MB21D2: variants seen among roughly 807,000 people sequenced by gnomAD.
MB21D2 encodes the protein nucleotidyltransferase MB21D2.
Under a neutral mutation model 33.3 loss-of-function variants are expected in MB21D2, and 9 were observed. The observed-to-expected ratio is 0.27, with a 90% CI of 0.16 to 0.47. The LOEUF is 0.47. Ranked by LOEUF, MB21D2 falls within the 20% of genes least tolerant of loss-of-function variation. The pLI, the probability that MB21D2 is intolerant of heterozygous loss-of-function variation, is 0.99. For missense variants in MB21D2, 540 were observed against 624.6 expected, an observed-to-expected ratio of 0.86 and a Z score of 1.44; for synonymous variants, 241 against 236.3, an observed-to-expected ratio of 1.02 and a Z score of -0.18.
At chr3:192,917,098 C>G (rs1456215322) in intron 1 of MB21D2, among the ~76,000 whole-genome samples, 1 of 152,246 alleles carries the variant, frequency 6.6e-6, no homozygotes, top group South Asian at 2.1e-4. Flanking sequence ...AGTTTGGCCA[C>G]CGGGGGCTCG....
intron 1 of MB21D2, among the ~76,000 whole-genome samples, chr3:192,811,368 G>T (rs77467913): frequency 2.0e-5 from 3 of 152,138 alleles, no homozygotes; most frequent in East Asian, 1.9e-4. Flanking sequence ...TGTAGTGGGT[G>T]GGGGGTGTAA....
intron 1 of MB21D2, among the ~76,000 whole-genome samples, chr3:192,881,491 A>T (rs941407726): frequency 6.6e-6 from 1 of 152,126 alleles, no homozygotes; most frequent in Non-Finnish European, 1.5e-5. Flanking sequence ...AATTTAACTG[A>T]CACACACACA....
intron 1 of MB21D2, among the ~76,000 whole-genome samples, chr3:192,851,514 A>C (rs573316282): frequency 3.4e-3 from 171 of 49,820 alleles, no homozygotes; most frequent in African/African-American, 0.017. Flanking sequence ...TTTTTTTTGG[A>C]GATGGAGTCT....
chr3:192,826,241 A>C (rs1375410464), intron 1 of MB21D2, among the ~76,000 whole-genome samples: 1 of 152,210 alleles, frequency 6.6e-6, no homozygotes, highest in African/African-American at 2.4e-5. Flanking sequence ...TTTCAGACCA[A>C]ACTATGCCCT....
At chr3:192,885,735 T>C (rs1419966097) in intron 1 of MB21D2, among the ~76,000 whole-genome samples, 1 of 152,058 alleles carries the variant, frequency 6.6e-6, no homozygotes, top group Non-Finnish European at 1.5e-5. Context: ...CACAGCAAGC[T>C]GGGACTCTGC....
intron 1 of MB21D2, among the ~76,000 whole-genome samples, chr3:192,885,329 G>A (rs999253849): frequency 5.9e-5 from 9 of 151,986 alleles, no homozygotes; most frequent in Admixed American, 1.3e-4. Flanking sequence ...CCACTCCCAC[G>A]ACATGCTCTT....
intron 1 of MB21D2, among the ~76,000 whole-genome samples, chr3:192,807,757 C>T (rs1413077583): frequency 6.6e-6 from 1 of 152,154 alleles, no homozygotes; most frequent in Admixed American, 6.5e-5. Flanking sequence ...TGAGCCAGTG[C>T]TGTGCTAGAC....
At chr3:192,888,145 C>T (rs1713774864) in intron 1 of MB21D2, among the ~76,000 whole-genome samples, 1 of 152,088 alleles carries the variant, frequency 6.6e-6, no homozygotes, top group African/African-American at 2.4e-5. Context: ...TTAGTGAGAA[C>T]CTCTAAAATG....
Position 192,798,257 on chromosome 3 carries a change from G to C in MB21D2, c.*129C>G. ...AGCCTGCACCATCCTGCAGAACCAGGAAACTTAAAATTTGTTCTTAACAAA... is the reference window on the plus strand; with the variant it reads ...AGCCTGCACCATCCTGCAGAACCAGCAAACTTAAAATTTGTTCTTAACAAA... On this transcript the variant is annotated 3_prime_UTR_variant, in exon 2 of 2. Coordinates refer to ENST00000392452, the MANE Select transcript of MB21D2 (RefSeq NM_178496.4). This position sits in a 1 kb window ranked among gnomAD's most constrained non-coding sequence, Gnocchi z 4.8. 1 of 1,025,444 alleles carries C rather than the reference G, an allele frequency of 9.8e-7. No individual in the cohort carries two copies. The highest frequency in any genetic ancestry group is 1.4e-6 in the Non-Finnish European group (1 of 710,566). 63.5% of individuals were successfully genotyped at this position (1,025,444 alleles called of 1,614,324 possible). A position where few individuals can be genotyped will look rare whatever the true frequency, so the allele number is the denominator to read the frequency against.
intron 1 of MB21D2, among the ~76,000 whole-genome samples, chr3:192,910,319 A>T (rs1714327072): frequency 6.6e-6 from 1 of 151,430 alleles, no homozygotes; most frequent in Non-Finnish European, 1.5e-5. Flanking sequence ...AAAAAAAAAA[A>T]ATTTAAAAAT....
intron 1 of MB21D2, among the ~76,000 whole-genome samples, chr3:192,856,415 G>T (rs1712917257): frequency 6.6e-6 from 1 of 152,172 alleles, no homozygotes; most frequent in African/African-American, 2.4e-5. Context: ...ATTGCTATAA[G>T]GAGAAATAAG....
At chr3:192,819,215 G>GC (rs1335838451) in intron 1 of MB21D2, among the ~76,000 whole-genome samples, 5 of 146,310 alleles carry the variant, frequency 3.4e-5, no homozygotes, top group Non-Finnish European at 1.5e-5. Flanking sequence ...ATCTGCTAAG[G>GC]CCCAGTTATA....
intron 1 of MB21D2, among the ~76,000 whole-genome samples, chr3:192,823,252 C>T (rs1044367594): frequency 5.9e-5 from 9 of 152,168 alleles, no homozygotes; most frequent in South Asian, 2.1e-4. Flanking sequence ...TCATGTCATA[C>T]AAAAATGAAT....
At chr3:192,869,113 G>A (rs1713230966) in intron 1 of MB21D2, among the ~76,000 whole-genome samples, 1 of 152,008 alleles carries the variant, frequency 6.6e-6, no homozygotes, top group Non-Finnish European at 1.5e-5. Context: ...AAAATTAGCT[G>A]GGCATGGTGG....
At chr3:192,820,747 C>T (rs1420991712) in intron 1 of MB21D2, among the ~76,000 whole-genome samples, 1 of 152,312 alleles carries the variant, frequency 6.6e-6, no homozygotes, top group Admixed American at 6.5e-5. Flanking sequence ...AACTCGCGCT[C>T]CACCCTGTTT....
intron 1 of MB21D2, among the ~76,000 whole-genome samples, chr3:192,867,642 C>T (rs561402025): frequency 8.5e-5 from 13 of 152,246 alleles, no homozygotes; most frequent in South Asian, 2.1e-4. Context: ...TAGATGGTCA[C>T]GGCAGGTGAA....
intron 1 of MB21D2, among the ~76,000 whole-genome samples, chr3:192,907,760 G>T (rs943118358): frequency 6.6e-6 from 1 of 152,138 alleles, no homozygotes; most frequent in African/African-American, 2.4e-5. Context: ...TACGACTTGC[G>T]TTCCAGATTA....
chr3:192,912,028 A>G (rs1714368624), intron 1 of MB21D2, among the ~76,000 whole-genome samples: 1 of 152,216 alleles, frequency 6.6e-6, no homozygotes, highest in Non-Finnish European at 1.5e-5. Flanking sequence ...AAACACTGGA[A>G]AGGTAGGGCT....
chr3:192,808,945 G>A (rs1489018070), intron 1 of MB21D2, among the ~76,000 whole-genome samples: 1 of 152,010 alleles, frequency 6.6e-6, no homozygotes, highest in Non-Finnish European at 1.5e-5. Flanking sequence ...TGAGTTTATA[G>A]TACACATTTG....
Sources: gnomAD v4.1 joint callset for allele counts (sites outside exome capture counted in the v4.1 genomes callset) on GRCh38, gnomAD v4.1.1 for gene constraint, Gnocchi (gnomAD v3.1) non-coding constraint, MANE v1.5 for transcripts, NCBI Gene and HGNC (gene_info 2026-07-23, HGNC 2026-07-21) for gene names.